Variants in QTMAN observed in about 807,000 individuals in gnomAD.
QTMAN encodes queuosine-tRNA mannosyltransferase, also known as tRNA-queuosine alpha-mannosyltransferase.
chr2:144,170,480 C>A, the QTMAN span, among the ~76,000 whole-genome samples: 4 of 152,218 alleles, frequency 2.6e-5, no homozygotes, highest in South Asian at 8.3e-4. Flanking sequence ...GGGTTTGCAT[C>A]ATAGCTGAGG....
At chr2:144,081,693 G>C in the QTMAN span, among the ~76,000 whole-genome samples, 3 of 152,106 alleles carry the variant, frequency 2.0e-5, no homozygotes, top group African/African-American at 7.2e-5. Flanking sequence ...GACCTGCGGG[G>C]AACAGGAGGG....
chr2:144,045,318 C>T, the QTMAN span, among the ~76,000 whole-genome samples: 1 of 152,170 alleles, frequency 6.6e-6, no homozygotes, highest in East Asian at 1.9e-4. Context: ...ATCAAATTAC[C>T]TACATTTAAC....
chr2:144,017,504 T>C, the QTMAN span, among the ~76,000 whole-genome samples: 566 of 152,288 alleles, frequency 3.7e-3, 2 homozygotes, highest in Admixed American at 6.6e-3. Context: ...TCAAGTCTAA[T>C]GATTATCTTA....
chr2:144,074,669 G>C, the QTMAN span, among the ~76,000 whole-genome samples: 3 of 152,110 alleles, frequency 2.0e-5, no homozygotes, highest in Non-Finnish European at 4.4e-5. Flanking sequence ...AGACACTAAG[G>C]CCGTAAAAGG....
the QTMAN span, among the ~76,000 whole-genome samples, chr2:144,224,705 A>T: frequency 6.6e-6 from 1 of 152,200 alleles, no homozygotes; most frequent in Non-Finnish European, 1.5e-5. Flanking sequence ...CAGGCACAGC[A>T]AGACCCTGAT....
the QTMAN span, among the ~76,000 whole-genome samples, chr2:144,001,964 T>C: frequency 2.0e-5 from 3 of 151,932 alleles, no homozygotes; most frequent in African/African-American, 7.2e-5. Flanking sequence ...TAGTCTGAAT[T>C]CCTGGGTGTA....
At chr2:144,105,335 G>T in the QTMAN span, among the ~76,000 whole-genome samples, 4 of 152,190 alleles carry the variant, frequency 2.6e-5, no homozygotes, top group Non-Finnish European at 5.9e-5. Context: ...CAAACCCATT[G>T]CAAAGAAGCT....
chr2:144,270,795 C>T, the QTMAN span, among the ~76,000 whole-genome samples: 1 of 151,890 alleles, frequency 6.6e-6, no homozygotes, highest in Non-Finnish European at 1.5e-5. Context: ...CACGTTCTGC[C>T]CATGTATCCC....
chr2:144,162,593 T>C, the QTMAN span, among the ~76,000 whole-genome samples: 1 of 152,084 alleles, frequency 6.6e-6, no homozygotes, highest in Non-Finnish European at 1.5e-5. Context: ...CTGGCCAAGT[T>C]AGCTAAAGGT....
the QTMAN span, among the ~76,000 whole-genome samples, chr2:144,046,846 G>A: frequency 6.6e-6 from 1 of 152,002 alleles, no homozygotes; most frequent in Non-Finnish European, 1.5e-5. Context: ...GAAGATTAAC[G>A]GTACTTATGA....
chr2:144,100,908 C>T, the QTMAN span, among the ~76,000 whole-genome samples: 2 of 117,728 alleles, frequency 1.7e-5, no homozygotes, highest in Admixed American at 2.5e-4. Context: ...CCTGCTCTGT[C>T]GCCCAGGCTG....
chr2:144,260,337 G>A, the QTMAN span, among the ~76,000 whole-genome samples: 12 of 152,046 alleles, frequency 7.9e-5, no homozygotes, highest in South Asian at 8.3e-4. Context: ...ATGTGTGTGG[G>A]TATTTGTGGG....
the QTMAN span, among the ~76,000 whole-genome samples, chr2:144,307,159 T>TAAAAAAAAAAAAAAAAAAAAAAAAAAATA: frequency 2.5e-5 from 1 of 40,466 alleles, no homozygotes; most frequent in Non-Finnish European, 4.0e-5. Context: ...GACTCCGTCT[T>TAAAAAAAAAAAAAAAAAAAAAAAAAAATA]AAAAAAAAAA....
At chr2:144,222,803 G>C in the QTMAN span, among the ~76,000 whole-genome samples, 1 of 152,016 alleles carries the variant, frequency 6.6e-6, no homozygotes, top group Non-Finnish European at 1.5e-5. Flanking sequence ...GCGAGACTCT[G>C]TCACAGAAAA....
At chr2:143,954,667 C>T in the QTMAN span, among the ~76,000 whole-genome samples, 1 of 152,022 alleles carries the variant, frequency 6.6e-6, no homozygotes, top group Non-Finnish European at 1.5e-5. Context: ...TTATGATATA[C>T]ATTACTTAGA....
the QTMAN span, among the ~76,000 whole-genome samples, chr2:144,213,587 G>A: frequency 6.6e-6 from 1 of 152,108 alleles, no homozygotes. Flanking sequence ...TCTGTTATTA[G>A]TTAGTTGTAG....
chr2:144,097,618 C>T, the QTMAN span, among the ~76,000 whole-genome samples: 1 of 152,158 alleles, frequency 6.6e-6, no homozygotes. Flanking sequence ...TGTGCAACCA[C>T]TGCAATAATA....
chr2:144,200,299 T>G, the QTMAN span, among the ~76,000 whole-genome samples: 1 of 152,212 alleles, frequency 6.6e-6, no homozygotes, highest in African/African-American at 2.4e-5. Context: ...AATCTGTCAT[T>G]TATTCTGATA....
At chr2:144,307,188 T>TAA in the QTMAN span, among the ~76,000 whole-genome samples, 1 of 81,266 alleles carries the variant, frequency 1.2e-5, no homozygotes. Context: ...AAAAAACAAT[T>TAA]AAAAAAAAAA....
Sources: gnomAD v4.1 joint callset for allele counts (sites outside exome capture counted in the v4.1 genomes callset) on GRCh38, gnomAD v4.1.1 for gene constraint, MANE v1.5 for transcripts, NCBI Gene and HGNC (gene_info 2026-07-23, HGNC 2026-07-21) for gene names.